Variants in NDST4 observed in about 807,000 individuals in gnomAD.
NDST4 encodes N-heparan sulfate sulfotransferase 4.
In NDST4, 63 loss-of-function variants were observed where a neutral mutation model predicts 100.8. The ratio of observed to expected loss-of-function variants is 0.62; its 90% CI spans 0.51 to 0.77. The LOEUF is 0.77. NDST4 is among the 30% of genes least tolerant of loss of function. The pLI is 0.00. For missense variants in NDST4, 943 were observed against 1,018.4 expected (o/e 0.93, Z 1.01); for synonymous variants, 377 against 361.8 (o/e 1.04, Z -0.48).
At chr4:115,060,230 C>T (rs961500357) in intron 2 of NDST4, among the ~76,000 whole-genome samples, 3 of 151,818 alleles carry the variant, frequency 2.0e-5, no homozygotes, top group Non-Finnish European at 4.4e-5. Context: ...ATTTGTGCAG[C>T]CTAAAAAAAG....
chr4:115,031,803 A>G (rs1026816672), intron 2 of NDST4, among the ~76,000 whole-genome samples: 5 of 152,166 alleles, frequency 3.3e-5, no homozygotes, highest in Admixed American at 3.3e-4. Context: ...AGGGGCTAAG[A>G]GTCTATCTGC....
chr4:115,016,153 C>T (rs1039811609), intron 2 of NDST4, among the ~76,000 whole-genome samples: 4 of 152,038 alleles, frequency 2.6e-5, no homozygotes, highest in African/African-American at 4.8e-5. Context: ...ATGGGATTTT[C>T]GTGGAATTCA....
At chr4:115,095,146 T>A (rs1729594822) in intron 1 of NDST4, among the ~76,000 whole-genome samples, 1 of 152,046 alleles carries the variant, frequency 6.6e-6, no homozygotes, top group African/African-American at 2.4e-5. Flanking sequence ...TCCTCAGGTC[T>A]TAACTCATCA....
chr4:114,899,022 T>G (rs1724777116), intron 6 of NDST4, among the ~76,000 whole-genome samples: 1 of 152,152 alleles, frequency 6.6e-6, no homozygotes, highest in Admixed American at 6.5e-5. Context: ...TTTCCTTTCT[T>G]TGTCGTATTG....
intron 3 of NDST4, among the ~76,000 whole-genome samples, chr4:114,974,700 CAGTTT>C (rs896147143): frequency 2.2e-4 from 34 of 152,174 alleles, no homozygotes; most frequent in African/African-American, 7.9e-4. Context: ...CTTCCTCTTT[CAGTTT>C]GGCACCTGTG....
intron 4 of NDST4, among the ~76,000 whole-genome samples, chr4:114,962,881 C>T (rs1002159630): frequency 5.3e-5 from 8 of 152,018 alleles, no homozygotes; most frequent in African/African-American, 1.7e-4. Context: ...AACCACTTCA[C>T]GCCCACTAGA....
chr4:115,023,017 C>T (rs115298151), intron 2 of NDST4, among the ~76,000 whole-genome samples: 5,639 of 152,244 alleles, frequency 0.037, 362 homozygotes, highest in African/African-American at 0.13. Flanking sequence ...TGTTCTCACT[C>T]ATAAGCGCGA....
At chr4:115,028,272 G>T (rs529517188) in intron 2 of NDST4, among the ~76,000 whole-genome samples, 52 of 152,164 alleles carry the variant, frequency 3.4e-4, no homozygotes, top group African/African-American at 1.2e-3. Flanking sequence ...GTATCAATTT[G>T]CTATCAAATA....
rs1226797448 is a variant in NDST4, at chr4:114,944,103, G to A, written c.1222-6600C>T. On this transcript the variant is annotated intron_variant, in intron 4 of 13. Transcript: ENST00000264363. ...AGAGCTAAAATCTGGAATAAAAGTG[G>A]CCTGTCCATTACCACTGCCACCTCT... is the stretch of plus-strand genomic sequence containing the variant. Among the ~76,000 whole-genome samples the A allele has an allele frequency of 2.5e-4, 38 of 152,106 alleles. 1 individual carries two copies. Among genetic ancestry groups the A allele is most frequent in the Admixed American group, 2.5e-3 (38 of 15,266 alleles).
intron 4 of NDST4, among the ~76,000 whole-genome samples, chr4:114,960,033 G>A (rs1362294642): frequency 1.3e-5 from 2 of 152,120 alleles, no homozygotes; most frequent in African/African-American, 4.8e-5. Flanking sequence ...AATCTTGAAA[G>A]TCGCAAAAGA....
intron 2 of NDST4, among the ~76,000 whole-genome samples, chr4:115,014,798 A>C (rs1727639994): frequency 6.6e-6 from 1 of 152,036 alleles, no homozygotes; most frequent in Non-Finnish European, 1.5e-5. Flanking sequence ...ACTTTTGGAA[A>C]ACATCTTTTG....
At chr4:115,075,926 T>C in intron 2 of NDST4, 133 bp downstream of exon 2, 1 of 1,077,508 alleles carries the variant, frequency 9.3e-7, no homozygotes, top group Non-Finnish European at 1.3e-6. Context: ...TCAATATTTT[T>C]CTAAATGGCT....
chr4:114,999,535 G>T (rs1727237666), intron 2 of NDST4, among the ~76,000 whole-genome samples: 1 of 151,920 alleles, frequency 6.6e-6, no homozygotes, highest in South Asian at 2.1e-4. Context: ...TTCTTATTTG[G>T]ATATTCATTC....
chr4:114,870,745 C>T (rs200779568), intron 7 of NDST4, 23 bp downstream of exon 7: 2 of 1,577,228 alleles, frequency 1.3e-6, no homozygotes, highest in South Asian at 2.3e-5. Context: ...CCTTCCACCC[C>T]AAGAGAGAAT....
At chr4:114,880,355 G>T (rs1475723734) in intron 6 of NDST4, among the ~76,000 whole-genome samples, 1 of 152,110 alleles carries the variant, frequency 6.6e-6, no homozygotes, top group East Asian at 1.9e-4. Flanking sequence ...GAGACAACCA[G>T]AGCTGCTTTC....
rs535828224 is a variant in NDST4 at position 114,916,374 on chromosome 4, T to C, written c.1536+18832A>G. Among the ~76,000 whole-genome samples, 5 of 152,290 alleles carry C rather than the reference T, an allele frequency of 3.3e-5. No individual in the cohort carries two copies. The South Asian group carries it at 8.3e-4, about 25-fold the overall frequency. ...CTTTCTCTCCTGTCACCCTTATCTC[T>C]ATCTCCTTTTATTATACATTCTTTC... On this transcript the variant is annotated intron_variant, in intron 6 of 13. Transcript: ENST00000264363.
At chr4:114,921,391 T>C (rs1725282808) in intron 6 of NDST4, among the ~76,000 whole-genome samples, 1 of 152,172 alleles carries the variant, frequency 6.6e-6, no homozygotes, top group Non-Finnish European at 1.5e-5. Context: ...GCCTTTGTAA[T>C]AGAGGATGTC....
At chr4:115,035,502 A>G (rs1728214236) in intron 2 of NDST4, among the ~76,000 whole-genome samples, 1 of 152,094 alleles carries the variant, frequency 6.6e-6, no homozygotes, top group Non-Finnish European at 1.5e-5. Context: ...GGGAAGTAGG[A>G]ATAATAAAAA....
Position 115,076,632 on chromosome 4 carries a change from A to G in NDST4, c.405T>C (p.Asn135=). 6.2e-7 allele frequency: 1 copy of G among 1,613,790 alleles called. No individual in the cohort carries two copies. Among genetic ancestry groups the G allele is most frequent in the Non-Finnish European group, 8.5e-7 (1 of 1,179,828 alleles). ...KGKYTLVIYE[N]ILKYVSMDSW... is the part of the protein sequence containing the mutation. ...AGTCCATGCTGACATACTTCAGAAT[A>G]TTTTCATAAATAACTAAAGTATATT... Residue 135 remains asparagine (N), a synonymous_variant, in exon 2 of 14, where the codon AAT becomes AAC. Transcript: ENST00000264363.
Sources: allele counts gnomAD v4.1 joint callset (sites outside exome capture counted in the v4.1 genomes callset), GRCh38; gene constraint gnomAD v4.1.1; transcripts MANE v1.5; gene names NCBI Gene and HGNC (gene_info 2026-07-23, HGNC 2026-07-21).